Variants in CDH22 observed in about 807,000 individuals in gnomAD.
CDH22 encodes cadherin 22, also known as cadherin-22.
A neutral mutation model predicts 58.4 loss-of-function variants in CDH22; 30 were observed. That is an observed-to-expected ratio of 0.51 (90% CI 0.38 to 0.70). The LOEUF (loss-of-function observed/expected upper bound fraction) is 0.70, where lower values mean the gene tolerates loss of function less well. Ranked by LOEUF, CDH22 falls within the 30% of genes least tolerant of loss-of-function variation. The pLI is 0.00. For synonymous variants in CDH22, 513 were observed against 558.2 expected, an observed-to-expected ratio of 0.92 and a Z score of 1.14; for missense variants, 1,014 against 1,233.9, an observed-to-expected ratio of 0.82 and a Z score of 2.67.
Position 46,303,322 on chromosome 20 carries a change from A to G in CDH22, c.-400+4933T>C, listed in dbSNP as rs147108903. Among the ~76,000 whole-genome samples the G allele has an allele frequency of 6.6e-3, 1,003 of 152,188 alleles. 7 individuals carry two copies. The highest frequency in any genetic ancestry group is 0.023 in the African/African-American group (965 of 41,500). ...CTCCCTACCCTCCTTTATCCCATAG[A>G]TAACTGCGAGACAGCCTGCAGGTGT... On this transcript the variant is annotated intron_variant, in intron 1 of 11. Transcript: ENST00000537909.
At chr20:46,175,656 C>A (rs2085733135) in intron 11 of CDH22, among the ~76,000 whole-genome samples, 1 of 152,204 alleles carries the variant, frequency 6.6e-6, no homozygotes, top group Non-Finnish European at 1.5e-5. Context: ...GGGGCTCCTT[C>A]CTCTATCATA....
chr20:46,305,500 A>G (rs1197487208), intron 1 of CDH22, among the ~76,000 whole-genome samples: 2 of 152,118 alleles, frequency 1.3e-5, no homozygotes, highest in East Asian at 3.9e-4. Flanking sequence ...TGGCTCAGCT[A>G]TGGGGAGGAA....
rs182142219 is a variant in CDH22, at chr20:46,276,792, C to A, written c.-399-25099G>T. On this transcript the variant is annotated intron_variant, in intron 1 of 11. Transcript: ENST00000537909. Reference sequence around the variant, plus strand: ...GTGGGCAGGGCCAGAGAAAGTGAGACAGTTTTCTGTTTTCCAGGGAAGATG... The same window carrying A: ...GTGGGCAGGGCCAGAGAAAGTGAGAAAGTTTTCTGTTTTCCAGGGAAGATG... Among the ~76,000 whole-genome samples the A allele has an allele frequency of 5.3e-5, 8 of 151,044 alleles. No homozygotes were observed. In the East Asian group the frequency reaches 7.9e-4, roughly 15 times the overall value.
chr20:46,217,195 C>T (rs1377548392), intron 4 of CDH22, among the ~76,000 whole-genome samples: 1 of 151,072 alleles, frequency 6.6e-6, no homozygotes, highest in Non-Finnish European at 1.5e-5. Context: ...CACGCTCATA[C>T]AGATACAGAT....
At position 46,261,897 on chromosome 20, in the gene CDH22, G is replaced by A. The variant is rs995385837; in HGVS notation, c.-399-10204C>T. ...CCTCCTACCCCTAGGTATAAGGCAC[G>A]ATGGAGCCACAAATGAAGGAGGCAA... On this transcript the variant is annotated intron_variant, in intron 1 of 11. Coordinates refer to ENST00000537909, the MANE Select transcript of CDH22 (RefSeq NM_021248.3). Among the ~76,000 whole-genome samples the A allele has an allele frequency of 5.9e-5, 9 of 152,094 alleles. No homozygotes were observed. In the South Asian group the frequency reaches 6.2e-4, roughly 11 times the overall value.
At chr20:46,291,753 C>G (rs1352188947) in intron 1 of CDH22, among the ~76,000 whole-genome samples, 1 of 152,264 alleles carries the variant, frequency 6.6e-6, no homozygotes, top group African/African-American at 2.4e-5. Flanking sequence ...CACCTCTGCA[C>G]AGCCCCATGT....
chr20:46,258,842 TAGAC>T, intron 1 of CDH22, among the ~76,000 whole-genome samples: 1 of 152,184 alleles, frequency 6.6e-6, no homozygotes, highest in Non-Finnish European at 1.5e-5. Context: ...TGAGGCAGCA[TAGAC>T]ACCAACCACA....
chr20:46,250,985 C>A, intron 2 of CDH22, 55 bp downstream of exon 2: 1 of 1,067,626 alleles, frequency 9.4e-7, no homozygotes, highest in Admixed American at 1.8e-5. Flanking sequence ...TTGTATCTAC[C>A]CGTGGGTGTC....
chr20:46,293,255 T>C (rs1179977940), intron 1 of CDH22, among the ~76,000 whole-genome samples: 1 of 152,070 alleles, frequency 6.6e-6, no homozygotes, highest in Non-Finnish European at 1.5e-5. Flanking sequence ...ACTCAGAGAG[T>C]ACCTTGGACA....
intron 8 of CDH22, 44 bp from the exon 9 acceptor site, chr20:46,186,991 AG>A: frequency 6.5e-7 from 1 of 1,527,668 alleles, no homozygotes; most frequent in South Asian, 1.3e-5. Flanking sequence ...ATCAAGTGGG[AG>A]ATCTAGATAG....
At chr20:46,275,886 T>C (rs1600724272) in intron 1 of CDH22, among the ~76,000 whole-genome samples, 1 of 138,034 alleles carries the variant, frequency 7.2e-6, no homozygotes, top group African/African-American at 2.8e-5. Flanking sequence ...AAGGCTGCTA[T>C]GGGAGCAGGA....
chr20:46,290,424 T>C (rs1236253762), intron 1 of CDH22, among the ~76,000 whole-genome samples: 1 of 152,208 alleles, frequency 6.6e-6, no homozygotes, highest in Non-Finnish European at 1.5e-5. Flanking sequence ...GGGACAGCCC[T>C]CCACGACAAA....
intron 1 of CDH22, among the ~76,000 whole-genome samples, chr20:46,284,504 T>G (rs2086567144): frequency 6.6e-6 from 1 of 152,132 alleles, no homozygotes. Flanking sequence ...GCTGGCTGCT[T>G]TCTCTCCATT....
chr20:46,204,927 A>C lies in CDH22; in HGVS notation c.1287-5368T>G, dbSNP rs1001914613. ...GAAGGCTGCAGGCTTATGCACATAC[A>C]GGCTTTCTGGTGTGCCTGTGTGTGA... On this transcript the variant is annotated intron_variant, in intron 7 of 11. Coordinates refer to ENST00000537909, the MANE Select transcript of CDH22 (RefSeq NM_021248.3). Among the ~76,000 whole-genome samples the C allele has an allele frequency of 5.3e-5, 8 of 152,314 alleles. 1 individual carries two copies. The South Asian group carries it at 1.2e-3, about 24-fold the overall frequency.
chr20:46,254,309 T>G (rs1600717967), intron 1 of CDH22, among the ~76,000 whole-genome samples: 1 of 151,984 alleles, frequency 6.6e-6, no homozygotes, highest in East Asian at 1.9e-4. Context: ...AATCCCAGCA[T>G]TTTGGGAGGC....
intron 1 of CDH22, among the ~76,000 whole-genome samples, chr20:46,294,755 G>A (rs1302391179): frequency 6.6e-6 from 1 of 152,214 alleles, no homozygotes; most frequent in Non-Finnish European, 1.5e-5. Flanking sequence ...CAAGGAAAAG[G>A]CTACTCTGTA....
At chr20:46,223,666 C>CTTCTTTCT (rs369876048) in intron 4 of CDH22, among the ~76,000 whole-genome samples, 8,316 of 115,486 alleles carry the variant, frequency 0.072, 375 homozygotes, top group East Asian at 0.14. Context: ...TTTTTCTTTC[C>CTTCTTTCT]TTCTTTCTTT....
intron 10 of CDH22, among the ~76,000 whole-genome samples, chr20:46,179,343 G>A (rs1408406450): frequency 6.6e-6 from 1 of 152,204 alleles, no homozygotes; most frequent in Non-Finnish European, 1.5e-5. Flanking sequence ...TCTGTTGGCA[G>A]CCTGGGTTCC....
At chr20:46,223,669 C>CTTTCT (rs2086144645) in intron 4 of CDH22, among the ~76,000 whole-genome samples, 1 of 46,718 alleles carries the variant, frequency 2.1e-5, no homozygotes, top group Non-Finnish European at 4.2e-5. Context: ...TTCTTTCCTT[C>CTTTCT]TTTCTTTCTT....
Sources: gnomAD v4.1 joint callset for allele counts (sites outside exome capture counted in the v4.1 genomes callset) on GRCh38, gnomAD v4.1.1 for gene constraint, MANE v1.5 for transcripts, NCBI Gene and HGNC (gene_info 2026-07-23, HGNC 2026-07-21) for gene names.